Variants in EGF observed in about 807,000 individuals in gnomAD.
The protein encoded by EGF is pro-epidermal growth factor.
In EGF, 95 loss-of-function variants were observed where a neutral mutation model predicts 143.8. That is an observed-to-expected ratio of 0.66 (90% CI 0.56 to 0.78). The LOEUF (loss-of-function observed/expected upper bound fraction) is 0.78, where lower values mean the gene tolerates loss of function less well. Ranked by LOEUF, EGF falls within the 30% of genes least tolerant of loss-of-function variation. The pLI, the probability that EGF is intolerant of heterozygous loss-of-function variation, is 0.00. For missense variants in EGF, 1,320 were observed against 1,470.9 expected (o/e 0.90, Z 1.68); for synonymous variants, 510 against 510.5 (o/e 1.00, Z 0.01).
rs574901817 is a variant in EGF, at chr4:109,961,649, C to A, written c.1190-214C>A. Among the ~76,000 whole-genome samples the A allele has an allele frequency of 3.3e-5, 5 of 152,134 alleles. No homozygotes were observed. The South Asian group carries it at 1.0e-3, about 32-fold the overall frequency. ...TAAAAAACTTAACTATAATTCCTTC[C>A]TATCATTTAATATCCAGTTAATTTT... On this transcript the variant is annotated intron_variant, in intron 7 of 23. Transcript: ENST00000265171.
intron 15 of EGF, among the ~76,000 whole-genome samples, chr4:109,981,235 G>A (rs770082208): frequency 8.5e-5 from 13 of 152,104 alleles, no homozygotes; most frequent in Middle Eastern, 3.2e-3. Context: ...AGTGGAGTGG[G>A]TCCCAGGCTT....
In EGF at chr4:109,999,791, G is replaced by C. The variant is rs75935899; in HGVS notation, c.3118G>C (p.Val1040Leu). ...QQKVIVVAVC[V>L]VVLVMLLLLS... The stretch of plus-strand genomic sequence containing the variant: ...GAAGGTCATCGTGGTGGCTGTCTGC[G>C]TGGTGGTGCTTGTCATGCTGCTCCT... The change falls in exon 21 of 24, where the codon GTG becomes CTG. Residue 1040 changes from valine (V) to leucine (L), a missense_variant. Transcript: ENST00000265171. The C allele has an allele frequency of 1.2e-6, 2 of 1,613,912 alleles. No individual in the cohort carries two copies. Among genetic ancestry groups the C allele is most frequent in the Non-Finnish European group, 1.7e-6 (2 of 1,180,024 alleles).
At chr4:109,975,531 T>C (rs1207303877) in intron 12 of EGF, among the ~76,000 whole-genome samples, 1 of 152,246 alleles carries the variant, frequency 6.6e-6, no homozygotes, top group Non-Finnish European at 1.5e-5. Flanking sequence ...AAGTTGAAAT[T>C]AACTGAGTTA....
chr4:109,980,872 C>T lies in EGF; in HGVS notation c.2268C>T (p.Cys756=). 2 of 1,613,962 alleles carry T rather than the reference C, an allele frequency of 1.2e-6. No homozygotes were observed. Among genetic ancestry groups the T allele is most frequent in the South Asian group, 1.1e-5 (1 of 91,074 alleles). The change falls in exon 15 of 24, where the codon TGC becomes TGT. Residue 756 remains cysteine (C), a synonymous_variant. Transcript: ENST00000265171. ...LYQNGGCEHI[C]KKRLGTAWCS... ...AAAACGGAGGCTGTGAACATATTTGCAAAAAGAGGCTTGGAACTGCTTGGT... is the reference window on the plus strand; with the variant it reads ...AAAACGGAGGCTGTGAACATATTTGTAAAAAGAGGCTTGGAACTGCTTGGT...
At chr4:109,943,661 T>C (rs947054846) in intron 3 of EGF, among the ~76,000 whole-genome samples, 181 bp from the exon 4 acceptor site, 1 of 151,784 alleles carries the variant, frequency 6.6e-6, no homozygotes, top group Non-Finnish European at 1.5e-5. Context: ...GAGGCATAAT[T>C]CCCTTTCTAA....
rs1754009381 is a variant in EGF, at chr4:110,011,631, C to T, written c.*176C>T. 2.1e-6 allele frequency: 2 copies of T among 952,008 alleles called. No individual in the cohort carries two copies. The highest frequency in any genetic ancestry group is 3.1e-6 in the Non-Finnish European group (2 of 648,024). The allele number at this position is 952,008 out of a possible 1,614,324, so 59.0% of individuals were successfully genotyped here. A position where few individuals can be genotyped will look rare whatever the true frequency, so the allele number is the denominator to read the frequency against. On this transcript the variant is annotated 3_prime_UTR_variant, in exon 24 of 24. Transcript: ENST00000265171. ...GCTTTTGTTTGCTCTTTTAAGCAGT[C>T]TCACTGCAGTCTTATTTCCAAGTAA... is the stretch of plus-strand genomic sequence containing the variant.
intron 1 of EGF, among the ~76,000 whole-genome samples, chr4:109,920,893 A>G (rs182976392): frequency 2.2e-4 from 34 of 151,666 alleles, no homozygotes; most frequent in African/African-American, 8.3e-4. Context: ...CACTTTGTAG[A>G]GATTCTTTAT....
chr4:109,950,578 C>A (rs528720291), intron 5 of EGF, among the ~76,000 whole-genome samples: 13 of 152,298 alleles, frequency 8.5e-5, no homozygotes, highest in Admixed American at 4.6e-4. Context: ...AAGTCTCTTC[C>A]TTGGGCTCAC....
At chr4:109,983,902 A>G (rs920924072) in intron 16 of EGF, among the ~76,000 whole-genome samples, 1 of 152,242 alleles carries the variant, frequency 6.6e-6, no homozygotes, top group African/African-American at 2.4e-5. Flanking sequence ...TTAGCCTGAA[A>G]AGTTGATAGT....
At chr4:109,962,462 TTGTG>T (rs1449226386) in intron 8 of EGF, among the ~76,000 whole-genome samples, 2 of 152,162 alleles carry the variant, frequency 1.3e-5, no homozygotes, top group Non-Finnish European at 2.9e-5. Flanking sequence ...AGCAGAAGAA[TTGTG>T]TGTGTGTTTT....
intron 5 of EGF, among the ~76,000 whole-genome samples, chr4:109,952,770 T>C (rs3796944): frequency 0.55 from 82,879 of 152,050 alleles, 25,374 homozygotes; most frequent in African/African-American, 0.83. Context: ...AAGCATAGGA[T>C]TGGTTTGGGG....
At chr4:110,001,271 A>G (rs984517138) in intron 21 of EGF, among the ~76,000 whole-genome samples, 2 of 152,252 alleles carry the variant, frequency 1.3e-5, no homozygotes, top group African/African-American at 4.8e-5. Flanking sequence ...AGTCTGGCAT[A>G]TAGGAATTAA....
In EGF at chr4:110,010,295, CTCTA is replaced by C. The variant is rs11569137; in HGVS notation, c.3371-902_3371-899del. Among the ~76,000 whole-genome samples, 337 of 152,168 alleles carry C rather than the reference CTCTA, an allele frequency of 2.2e-3. 5 individuals are homozygous for C. The South Asian group carries it at 0.035, about 16-fold the overall frequency. On this transcript the variant is annotated intron_variant, in intron 23 of 23. Coordinates refer to ENST00000265171, the MANE Select transcript of EGF (RefSeq NM_001963.6). ...AAAAACAAAAAACAAAAAACCTGAG[CTCTA>C]TCTACTCTCAAGTCATTTGTGGTCC...
At chr4:109,996,043 A>C (rs568863724) in intron 20 of EGF, among the ~76,000 whole-genome samples, 10 of 152,208 alleles carry the variant, frequency 6.6e-5, no homozygotes, top group Non-Finnish European at 1.2e-4. Context: ...TTTAATGTTA[A>C]GAATCTAATT....
chr4:109,914,914 G>C (rs1342457498), intron 1 of EGF, among the ~76,000 whole-genome samples: 2 of 152,184 alleles, frequency 1.3e-5, no homozygotes, highest in Non-Finnish European at 2.9e-5. Flanking sequence ...CATTTGCATG[G>C]GATGTGAGGG....
rs1157598207 is a variant in EGF at position 109,993,368 on chromosome 4, T to C, written c.2856T>C (p.Pro952=). ...GRLSEPGLIC[P]DSTPPPHLRE... is the part of the protein sequence containing the mutation. Reference sequence around the variant, plus strand: ...TGTCTGAACCAGGACTGATTTGCCCTGGTAGGTTGGTGGGTGGTCTACAGT... The same window carrying C: ...TGTCTGAACCAGGACTGATTTGCCCCGGTAGGTTGGTGGGTGGTCTACAGT... The change falls in exon 19 of 24, where the codon CCT becomes CCC. Residue 952 remains proline, a splice_region_variant and synonymous_variant. Transcript: ENST00000265171. 6.2e-7 allele frequency: 1 copy of C among 1,613,266 alleles called. No homozygotes were observed. The highest frequency in any genetic ancestry group is 8.5e-7 in the Non-Finnish European group (1 of 1,179,650).
Position 109,999,840 on chromosome 4 carries a change from A to G in EGF, c.3167A>G (p.Tyr1056Cys). 11 of 1,613,278 alleles carry G rather than the reference A, an allele frequency of 6.8e-6. No homozygotes were observed. The highest frequency in any genetic ancestry group is 9.3e-6 in the Non-Finnish European group (11 of 1,180,024). The change falls in exon 21 of 24, where the codon TAC (tyrosine) becomes TGC (cysteine). Residue 1056 changes from tyrosine to cysteine, a missense_variant. By Grantham distance (194) the Tyr-to-Cys change is radical (BLOSUM62 -2). Around this residue, in one of 5 missense-constraint regions of EGF, gnomAD observed 1,186 missense variants for 1,313.7 expected, o/e 0.90. Transcript: ENST00000265171. The stretch of plus-strand genomic sequence containing the variant: ...CTCCTGAGCCTGTGGGGGGCCCACT[A>G]CTACAGGTGACCCTGTCTTTCCTTT... ...LLLLSLWGAH[Y>C]YRTQKLLSKN...
At chr4:109,995,533 A>G (rs529093530) in intron 20 of EGF, among the ~76,000 whole-genome samples, 12 of 152,174 alleles carry the variant, frequency 7.9e-5, no homozygotes, top group Non-Finnish European at 1.8e-4. Flanking sequence ...AGACATTCCC[A>G]CTGTGCTCAC....
At chr4:109,922,459 C>A (rs193256910) in intron 1 of EGF, among the ~76,000 whole-genome samples, 38 of 151,774 alleles carry the variant, frequency 2.5e-4, no homozygotes, top group Admixed American at 2.4e-3. Flanking sequence ...AAATATATAG[C>A]GCATGACATC....
Sources: allele counts gnomAD v4.1 joint callset (sites outside exome capture counted in the v4.1 genomes callset), GRCh38; gene constraint gnomAD v4.1.1; regional missense constraint gnomAD v4.1.1; transcripts MANE v1.5; gene names NCBI Gene and HGNC (gene_info 2026-07-23, HGNC 2026-07-21).